The following NFASC variants were observed in gnomAD, a reference collection of about 807,000 sequenced individuals.
NFASC encodes neurofascin.
A neutral mutation model predicts 147.5 loss-of-function variants in NFASC; 43 were observed. The ratio of observed to expected loss-of-function variants is 0.29; its 90% CI spans 0.23 to 0.38. The LOEUF is 0.38. Among genes scored for constraint, NFASC ranks in the 10% least tolerant of loss-of-function variants. The pLI is 1.00. For missense variants in NFASC, 1,320 were observed against 1,689.0 expected (o/e 0.78, Z 3.83); for synonymous variants, 622 against 665.5 (o/e 0.93, Z 1.01).
chr1:204,836,423 T>C (rs1673814828), intron 1 of NFASC, among the ~76,000 whole-genome samples: 1 of 152,166 alleles, frequency 6.6e-6, no homozygotes, highest in South Asian at 2.1e-4. Context: ...GAGGTAAAAT[T>C]TTAAGTCTGT....
At position 204,968,406 on chromosome 1, in the gene NFASC, T is replaced by G. The variant is rs1421567078; in HGVS notation, c.818+46T>G. The G allele has an allele frequency of 7.1e-7, 1 of 1,417,986 alleles. No homozygotes were observed. The highest frequency in any genetic ancestry group is 1.0e-6 in the Non-Finnish European group (1 of 1,002,066). 87.8% of individuals were successfully genotyped at this position (1,417,986 alleles called of 1,614,324 possible). Reference sequence around the variant, plus strand: ...CTCTTCTAGCCACCCTCCAGGAGGATGGGGATGGGAGCTTGTTCATGCTCT... The same window carrying G: ...CTCTTCTAGCCACCCTCCAGGAGGAGGGGGATGGGAGCTTGTTCATGCTCT... On this transcript the variant is annotated intron_variant, in intron 9 of 29. Coordinates refer to ENST00000339876, the MANE Select transcript of NFASC (RefSeq NM_001005388.3). This position sits in a 1 kb window ranked among gnomAD's most constrained non-coding sequence, Gnocchi z 5.4.
chr1:204,854,138 C>T (rs545968934), intron 1 of NFASC, among the ~76,000 whole-genome samples: 217 of 151,982 alleles, frequency 1.4e-3, no homozygotes, highest in African/African-American at 5.0e-3. Flanking sequence ...TCAGCAAGAG[C>T]CAAAACTCTT....
intron 27 of NFASC, chr1:205,009,062 G>A (rs1378818180): frequency 4.6e-6 from 1 of 219,290 alleles, no homozygotes; most frequent in Non-Finnish European, 9.2e-6. Context: ...ATGCTGCCGT[G>A]TGCCTGTGCA....
At chr1:205,005,328 C>T (rs1007454673) in intron 27 of NFASC, among the ~76,000 whole-genome samples, 2 of 152,186 alleles carry the variant, frequency 1.3e-5, no homozygotes, top group African/African-American at 4.8e-5. Context: ...CAATTCCTCC[C>T]AGTTAGAATT....
chr1:204,923,290 A>G (rs1414827637), intron 2 of NFASC, among the ~76,000 whole-genome samples: 1 of 152,118 alleles, frequency 6.6e-6, no homozygotes, highest in Non-Finnish European at 1.5e-5. Flanking sequence ...CCACTGCCAT[A>G]TGGAGCTGCC....
intron 13 of NFASC, 107 bp from the exon 14 acceptor site, chr1:204,974,550 A>G: frequency 7.6e-7 from 1 of 1,313,624 alleles, no homozygotes; most frequent in Non-Finnish European, 1.1e-6. Flanking sequence ...GTCTCCTAGC[A>G]TGGGGCTCCT....
chr1:204,880,419 G>C lies in NFASC; in HGVS notation c.-199-40213G>C, dbSNP rs887319840. On this transcript the variant is annotated intron_variant, in intron 1 of 29. Coordinates refer to ENST00000339876, the MANE Select transcript of NFASC (RefSeq NM_001005388.3). The stretch of plus-strand genomic sequence containing the variant: ...TGCCCAGGCTGGAGTGCAGTGGGGC[G>C]ATCTCAGCTCACTGCAAGCTCCGCC... Among the ~76,000 whole-genome samples, 19 of 152,186 alleles carry C rather than the reference G, an allele frequency of 1.2e-4. No homozygotes were observed. In the East Asian group the frequency reaches 2.7e-3, roughly 22 times the overall value.
chr1:204,964,017 G>C (rs1441629734), intron 8 of NFASC, among the ~76,000 whole-genome samples: 3 of 152,328 alleles, frequency 2.0e-5, no homozygotes, highest in Non-Finnish European at 2.9e-5. Flanking sequence ...TGAGTGGCAG[G>C]AGAATCTGGT....
At chr1:204,947,179 G>T (rs74138669) in intron 3 of NFASC, 3,099 of 219,350 alleles carry the variant, frequency 0.014, 110 homozygotes, top group African/African-American at 0.067. Context: ...AGCCCATAAA[G>T]ACTGTTTATT....
intron 2 of NFASC, among the ~76,000 whole-genome samples, chr1:204,925,398 T>A (rs2091313265): frequency 6.6e-6 from 1 of 152,238 alleles, no homozygotes; most frequent in Non-Finnish European, 1.5e-5. Flanking sequence ...AAGTCACATG[T>A]GCCAGCTGGA....
intron 8 of NFASC, among the ~76,000 whole-genome samples, chr1:204,966,754 T>A (rs2094969395): frequency 6.6e-6 from 1 of 152,224 alleles, no homozygotes; most frequent in South Asian, 2.1e-4. Flanking sequence ...CTCCAATCCA[T>A]TCACCTTATA....
chr1:204,880,857 G>T (rs1022722323), intron 1 of NFASC, among the ~76,000 whole-genome samples: 3 of 152,202 alleles, frequency 2.0e-5, no homozygotes, highest in Non-Finnish European at 4.4e-5. Context: ...TCTTTGAATG[G>T]ATGTATCATG....
intron 1 of NFASC, among the ~76,000 whole-genome samples, chr1:204,830,993 G>A (rs61819414): frequency 1.2e-3 from 178 of 152,284 alleles, no homozygotes; most frequent in Admixed American, 2.0e-3. Flanking sequence ...CTTCTCCGTC[G>A]CCTCTCCAGC....
chr1:204,908,077 G>A (rs1020471192), intron 1 of NFASC, among the ~76,000 whole-genome samples: 1 of 152,104 alleles, frequency 6.6e-6, no homozygotes, highest in African/African-American at 2.4e-5. Context: ...AACCACCTGG[G>A]CTCAAGTGAT....
At chr1:204,952,426 G>A (rs1397284999) in intron 5 of NFASC, among the ~76,000 whole-genome samples, 1 of 151,492 alleles carries the variant, frequency 6.6e-6, no homozygotes, top group Non-Finnish European at 1.5e-5. Flanking sequence ...TAGCTTATAG[G>A]AAGTTCCTTT....
In NFASC at chr1:204,974,652, G is replaced by T. The variant is rs770945400; in HGVS notation, c.1392-5G>T. 46 of 1,614,068 alleles carry T rather than the reference G, an allele frequency of 2.8e-5. No individual in the cohort carries two copies. In the Admixed American group the frequency reaches 3.0e-4, roughly 11 times the overall value. ...ATGCTGTGTGTTCTGCTGCTCTGTT[G>T]TGAGGTTTAAGAATGGGCAAGGAAG... On this transcript the variant is annotated splice_polypyrimidine_tract_variant and splice_region_variant and intron_variant, in intron 13 of 29. Coordinates refer to ENST00000339876, the MANE Select transcript of NFASC (RefSeq NM_001005388.3).
chr1:205,012,699 G>T, intron 28 of NFASC, 98 bp from the exon 29 acceptor site: 1 of 887,576 alleles, frequency 1.1e-6, no homozygotes, highest in Non-Finnish European at 1.9e-6. Context: ...AGTGAGCCCA[G>T]GGCGGTGCCT....
At chr1:204,901,668 G>T (rs1430831472) in intron 1 of NFASC, among the ~76,000 whole-genome samples, 1 of 152,184 alleles carries the variant, frequency 6.6e-6, no homozygotes, top group Non-Finnish European at 1.5e-5. Context: ...GTGAAGGAAA[G>T]AGAAATAAGG....
At position 204,979,259 on chromosome 1, in the gene NFASC, A is replaced by G; in HGVS notation, c.1979-103A>G. 1 of 1,084,370 alleles carries G rather than the reference A, an allele frequency of 9.2e-7. No homozygotes were observed. Among genetic ancestry groups the G allele is most frequent in the South Asian group, 1.3e-5 (1 of 77,574 alleles). 67.2% of individuals were successfully genotyped at this position (1,084,370 alleles called of 1,614,324 possible). ...AGAATTCTCCTTGTGCCTTTGTGTG[A>G]GAGAGATTATAAAGATCAATGGAAG... On this transcript the variant is annotated intron_variant, in intron 18 of 29. Transcript: ENST00000339876. This position sits in a 1 kb window ranked among gnomAD's most constrained non-coding sequence, Gnocchi z 6.0.
Sources: gnomAD v4.1 joint callset for allele counts (sites outside exome capture counted in the v4.1 genomes callset) on GRCh38, gnomAD v4.1.1 for gene constraint, Gnocchi (gnomAD v3.1) non-coding constraint, MANE v1.5 for transcripts, NCBI Gene and HGNC (gene_info 2026-07-23, HGNC 2026-07-21) for gene names.